Variants in GRAMD1B observed in about 807,000 individuals in gnomAD.
GRAMD1B encodes the protein GRAM domain containing 1B.
GRAMD1B carries 37 observed loss-of-function variants against 99.7 expected under a neutral mutation model. The observed-to-expected ratio is 0.37, with a 90% CI of 0.29 to 0.49. The LOEUF is 0.49. Among genes scored for constraint, GRAMD1B ranks in the 20% least tolerant of loss-of-function variants. GRAMD1B has a pLI of 0.98. For synonymous variants in GRAMD1B, 427 were observed against 387.6 expected, an observed-to-expected ratio of 1.10 and a Z score of -1.19; for missense variants, 888 against 1,009.2, an observed-to-expected ratio of 0.88 and a Z score of 1.63.
intron 12 of GRAMD1B, 43 bp from the exon 13 acceptor site, chr11:123,609,752 T>C (rs765600368): frequency 2.7e-6 from 3 of 1,123,716 alleles, no homozygotes; most frequent in South Asian, 2.7e-5. Flanking sequence ...GGGAGAGGGC[T>C]CTGCCCTCCC....
chr11:123,414,449 T>G (rs1295464824), intron 1 of GRAMD1B, among the ~76,000 whole-genome samples: 2 of 152,238 alleles, frequency 1.3e-5, no homozygotes, highest in African/African-American at 4.8e-5. Context: ...CACATCTCAC[T>G]TAATTCTTCC....
intron 2 of GRAMD1B, among the ~76,000 whole-genome samples, chr11:123,573,713 A>G (rs1948412207): frequency 6.6e-6 from 1 of 152,220 alleles, no homozygotes; most frequent in Admixed American, 6.5e-5. Flanking sequence ...TAAACGAAAT[A>G]ATATTTAATA....
chr11:123,436,786 G>T lies in GRAMD1B; in HGVS notation c.374+5620G>T, dbSNP rs1027301056. Among the ~76,000 whole-genome samples the T allele has an allele frequency of 3.3e-5, 5 of 152,172 alleles. No individual in the cohort carries two copies. In the East Asian group the frequency reaches 9.7e-4, roughly 29 times the overall value. On this transcript the variant is annotated intron_variant, in intron 1 of 19. Transcript: ENST00000635736. ...TTTTTATTATACTTTAAGTTTTAGG[G>T]TACATGTGCACAATGTGCAGGTTTG...
intron 2 of GRAMD1B, among the ~76,000 whole-genome samples, chr11:123,512,174 A>G (rs1165147970): frequency 6.6e-6 from 1 of 152,202 alleles, no homozygotes; most frequent in South Asian, 2.1e-4. Flanking sequence ...CGACCATGAA[A>G]GCAGGCATCT....
chr11:123,492,749 AG>A lies in GRAMD1B; in HGVS notation c.452+11858del, dbSNP rs1938699140. Among the ~76,000 whole-genome samples, 1 of 152,114 alleles carries A rather than the reference AG, an allele frequency of 6.6e-6. No individual in the cohort carries two copies. On this transcript the variant is annotated intron_variant, in intron 2 of 19. Coordinates refer to ENST00000635736, the MANE Select transcript of GRAMD1B (RefSeq NM_001387025.1). This position sits in a 1 kb window ranked among gnomAD's most constrained non-coding sequence, Gnocchi z 4.2. The stretch of plus-strand genomic sequence containing the variant: ...GGAATGAATGAAGTGAGGAGAGAAA[AG>A]GAAGGAGAAAGGCAGAAAGAGGGGC...
chr11:123,465,296 C>G (rs1950608947), intron 1 of GRAMD1B, among the ~76,000 whole-genome samples: 1 of 152,056 alleles, frequency 6.6e-6, no homozygotes, highest in Non-Finnish European at 1.5e-5. Context: ...GAGAGGAGTT[C>G]CTTTAGGTGT....
intron 1 of GRAMD1B, among the ~76,000 whole-genome samples, chr11:123,478,697 G>T (rs949068802): frequency 6.6e-6 from 1 of 152,128 alleles, no homozygotes; most frequent in Non-Finnish European, 1.5e-5. Context: ...TTTGATTGCC[G>T]GGGGAGGATA....
At chr11:123,531,520 C>G (rs1943367165) in intron 2 of GRAMD1B, among the ~76,000 whole-genome samples, 1 of 152,168 alleles carries the variant, frequency 6.6e-6, no homozygotes, top group South Asian at 2.1e-4. Context: ...AGGTTCATTG[C>G]TGCTGCTGGC....
intron 1 of GRAMD1B, among the ~76,000 whole-genome samples, chr11:123,477,427 T>G (rs1275874027): frequency 6.6e-6 from 1 of 151,422 alleles, no homozygotes; most frequent in East Asian, 1.9e-4. Context: ...CTGGACTAGC[T>G]GTCTTGAGCG....
chr11:123,598,274 A>G, intron 7 of GRAMD1B: 1 of 1,352,800 alleles, frequency 7.4e-7, no homozygotes, highest in Non-Finnish European at 1.1e-6. Context: ...TACAGCCAGT[A>G]GGGAATGGGT....
At chr11:123,560,067 C>G (rs921148966) in intron 2 of GRAMD1B, among the ~76,000 whole-genome samples, 7 of 66,130 alleles carry the variant, frequency 1.1e-4, no homozygotes, top group South Asian at 3.8e-4. Flanking sequence ...AGGAAATAAC[C>G]CCCCCCCCCG....
chr11:123,589,642 A>ATATATATATATAT (rs1950446757), intron 4 of GRAMD1B, among the ~76,000 whole-genome samples: 1 of 139,474 alleles, frequency 7.2e-6, no homozygotes, highest in African/African-American at 2.6e-5. Context: ...ATATATTTGT[A>ATATATATATATAT]GTAGAGACGG....
At chr11:123,437,920 C>T (rs143151131) in intron 1 of GRAMD1B, among the ~76,000 whole-genome samples, 1 of 152,326 alleles carries the variant, frequency 6.6e-6, no homozygotes, top group African/African-American at 2.4e-5. Context: ...GGTGTAGCTT[C>T]TCCGCTCTGT....
chr11:123,383,789 A>AATATATATATAT (rs113677613), intron 1 of GRAMD1B, among the ~76,000 whole-genome samples: 14 of 147,088 alleles, frequency 9.5e-5, no homozygotes, highest in African/African-American at 3.2e-4. Flanking sequence ...TCCCTTCATG[A>AATATATATATAT]ATATATATAT....
At chr11:123,577,599 C>T (rs1285106311) in intron 3 of GRAMD1B, 22 bp downstream of exon 3, 1 of 1,540,514 alleles carries the variant, frequency 6.5e-7, no homozygotes, top group South Asian at 1.2e-5. Flanking sequence ...CCCGTTGAGG[C>T]GGTACCTCCT....
intron 14 of GRAMD1B, among the ~76,000 whole-genome samples, chr11:123,611,530 C>A (rs1258154118): frequency 6.6e-6 from 1 of 152,132 alleles, no homozygotes; most frequent in East Asian, 1.9e-4. Context: ...CTCCTTCAGC[C>A]TTGCTCCTCT....
At chr11:123,556,588 C>G (rs963545983) in intron 2 of GRAMD1B, among the ~76,000 whole-genome samples, 4 of 152,180 alleles carry the variant, frequency 2.6e-5, no homozygotes, top group Non-Finnish European at 4.4e-5. Flanking sequence ...TCTCAGAAAC[C>G]TCTTTTCCTT....
intron 1 of GRAMD1B, among the ~76,000 whole-genome samples, chr11:123,399,600 T>TA (rs1303787816): frequency 7.1e-6 from 1 of 140,492 alleles, no homozygotes; most frequent in Non-Finnish European, 1.6e-5. Context: ...TACCAACACT[T>TA]ACCTTTTGTA....
In GRAMD1B at chr11:123,430,542, C is replaced by T. The variant is rs1395688382; in HGVS notation, c.-251C>T. The T allele has an allele frequency of 2.2e-6, 1 of 450,272 alleles. No individual in the cohort carries two copies. The highest frequency in any genetic ancestry group is 3.9e-6 in the Non-Finnish European group (1 of 256,210). 27.9% of individuals were successfully genotyped at this position (450,272 alleles called of 1,614,324 possible). A position where few individuals can be genotyped will look rare whatever the true frequency, so the allele number is the denominator to read the frequency against. On this transcript the variant is annotated 5_prime_UTR_variant, in exon 1 of 20. Coordinates refer to ENST00000635736, the MANE Select transcript of GRAMD1B (RefSeq NM_001387025.1). ...AGTGGCTGGCAGGCGGCTCCCGCCC[C>T]TCCCGGGTGGCCTCGCCGGCGGCTG...
Sources: allele counts gnomAD v4.1 joint callset (sites outside exome capture counted in the v4.1 genomes callset), GRCh38; gene constraint gnomAD v4.1.1; non-coding constraint Gnocchi (gnomAD v3.1); transcripts MANE v1.5; gene names NCBI Gene and HGNC (gene_info 2026-07-23, HGNC 2026-07-21).